The following DEF8 variants were observed in gnomAD, a reference collection of about 807,000 sequenced individuals.
The protein encoded by DEF8 is DEF-8.
In DEF8, 38 loss-of-function variants were observed where a neutral mutation model predicts 59.1. The ratio of observed to expected loss-of-function variants is 0.64; its 90% CI spans 0.50 to 0.84. The LOEUF (loss-of-function observed/expected upper bound fraction) is 0.84. Among genes scored for constraint, DEF8 ranks in the 40% least tolerant of loss-of-function variants. DEF8 has a pLI of 0.00. For synonymous variants in DEF8, 265 were observed against 250.1 expected (o/e 1.06, Z -0.56); for missense variants, 557 against 615.2 (o/e 0.91, Z 1.00).
In DEF8 at chr16:89,948,833, G is replaced by T. The variant is rs1383179952; in HGVS notation, c.-108+19G>T. ...CGGTCAGGTGAGCGGCGCGGGGCCG[G>T]CGGGGTCGGGGCCGGCGGGGACGGG... On this transcript the variant is annotated intron_variant, in intron 1 of 12. Transcript: ENST00000563594. 186 of 970,220 alleles carry T rather than the reference G, an allele frequency of 1.9e-4. 1 individual carries two copies. In the African/African-American group the frequency reaches 3.2e-3, roughly 16 times the overall value. 60.1% of individuals were successfully genotyped at this position (970,220 alleles called of 1,614,324 possible).
In DEF8 at chr16:89,960,962, G is replaced by A. The variant is rs2033949705; in HGVS notation, c.546G>A (p.Leu182=). 1 of 1,614,100 alleles carries A rather than the reference G, an allele frequency of 6.2e-7. No individual in the cohort carries two copies. Among genetic ancestry groups the A allele is most frequent in the Non-Finnish European group, 8.5e-7 (1 of 1,180,014 alleles). The change falls in exon 7 of 13, where the codon TTG becomes TTA. Residue 182 remains leucine (L), a synonymous_variant. Transcript: ENST00000563594. ...ATTACCGCTGTCACAGTAAGTGCTT[G>A]AACCTCATCTCCAAGCCCTGTGTGA... The part of the protein sequence containing the change: ...GCYYRCHSKC[L]NLISKPCVSS...
At chr16:89,963,257 G>T in intron 9 of DEF8, 106 bp from the exon 10 acceptor site, 2 of 901,924 alleles carry the variant, frequency 2.2e-6, no homozygotes, top group East Asian at 2.8e-5. Flanking sequence ...CCCTTCGTGG[G>T]GAACCAACCC....
intron 12 of DEF8, 88 bp downstream of exon 12, chr16:89,964,663 C>A: frequency 1.0e-6 from 1 of 985,132 alleles, no homozygotes; most frequent in Non-Finnish European, 1.5e-6. Context: ...TAGGATGATG[C>A]CGTGGGAGCT....
rs1427163149 is a variant in DEF8, at chr16:89,964,315, G to T, written c.1143+5G>T. ...CACATCAAGCTGGACTGCGAGGTGG[G>T]CCTCTGCCCGAGGGCCGCTCTTCTC... On this transcript the variant is annotated splice_donor_5th_base_variant and intron_variant, in intron 11 of 12. Transcript: ENST00000563594. The T allele has an allele frequency of 1.9e-6, 3 of 1,576,956 alleles. No individual in the cohort carries two copies. The Admixed American group carries it at 5.2e-5, about 27-fold the overall frequency.
At chr16:89,950,720 C>T (rs1296801835) in intron 2 of DEF8, among the ~76,000 whole-genome samples, 2 of 152,170 alleles carry the variant, frequency 1.3e-5, no homozygotes, top group Non-Finnish European at 2.9e-5. Context: ...TAGCTCACAC[C>T]TATAATCCCA....
At chr16:89,951,586 C>A (rs1341789988) in intron 2 of DEF8, among the ~76,000 whole-genome samples, 1 of 152,124 alleles carries the variant, frequency 6.6e-6, no homozygotes, top group Non-Finnish European at 1.5e-5. Flanking sequence ...ACAAAAACCT[C>A]CCCTATAACA....
Position 89,965,928 on chromosome 16 carries a change from C to T in DEF8, c.1321C>T (p.Leu441Phe), listed in dbSNP as rs2034574353. ...CCGGCTCAGCCTGAGGAAGCAGTCG[C>T]TCTTCCAGGAGCCAGGTCCCGATGT... The part of the protein sequence containing the change: ...CARLSLRKQS[L>F]FQEPGPDVEA Residue 441 changes from leucine (L) to phenylalanine (F), a missense_variant, in exon 13 of 13, where the codon CTC becomes TTC. Transcript: ENST00000563594. 4 of 1,613,656 alleles carry T rather than the reference C, an allele frequency of 2.5e-6. No individual in the cohort carries two copies. The South Asian group carries it at 3.3e-5, about 13-fold the overall frequency.
chr16:89,965,882 C>T lies in DEF8; in HGVS notation c.1275C>T (p.Ser425=), dbSNP rs749793974. ...VFHRDCYYDN[S]TTCPKCARLS... ...CCAGGGACTGCTACTACGACAACTC[C>T]ACCACTTGTCCCAAGTGTGCCCGGC... is the stretch of plus-strand genomic sequence containing the variant. The change falls in exon 13 of 13, where the codon TCC becomes TCT. Residue 425 remains serine (S), a synonymous_variant. Transcript: ENST00000563594. The T allele has an allele frequency of 5.0e-6, 8 of 1,613,478 alleles. No individual in the cohort carries two copies. Among genetic ancestry groups the T allele is most frequent in the Non-Finnish European group, 5.9e-6 (7 of 1,179,606 alleles).
Position 89,961,854 on chromosome 16 carries a change from A to G in DEF8, c.797A>G (p.Glu266Gly). 6.3e-7 allele frequency: 1 copy of G among 1,597,742 alleles called. No homozygotes were observed. The highest frequency in any genetic ancestry group is 1.1e-5 in the South Asian group (1 of 89,542). ...CGCGTTGTACACAACTGGGACTTTG[A>G]GCCTCGAAAGGTGGGGGTTGGAAGG... Reference protein sequence around the residue: ...PARVVHNWDFEPRKVSRCSMR... With the variant: ...PARVVHNWDFGPRKVSRCSMR... The change falls in exon 8 of 13, where the codon GAG becomes GGG. Residue 266 changes from glutamate (E) to glycine (G), a missense_variant. By Grantham distance (98) the Glu-to-Gly change is moderately conservative. Coordinates refer to ENST00000563594, the MANE Select transcript of DEF8 (RefSeq NM_001242818.2).
chr16:89,949,670 C>A, intron 2 of DEF8, 157 bp downstream of exon 2: 1 of 1,576,654 alleles, frequency 6.3e-7, no homozygotes, highest in Non-Finnish European at 8.6e-7. Context: ...TGAGCTTCGG[C>A]CCAGGGTCCC....
At position 89,961,765 on chromosome 16, in the gene DEF8, C is replaced by G. The variant is rs757944133; in HGVS notation, c.708C>G (p.Cys236Trp). The G allele has an allele frequency of 1.9e-6, 3 of 1,613,388 alleles. No homozygotes were observed. Among genetic ancestry groups the G allele is most frequent in the Non-Finnish European group, 2.5e-6 (3 of 1,179,950 alleles). ...LRGVPSEARQ[C>W]DYTGQYYCSH... ...GTGTGCCCAGTGAGGCCAGGCAGTGCGACTACACCGGCCAGTACTACTGCA... is the reference window on the plus strand; with the variant it reads ...GTGTGCCCAGTGAGGCCAGGCAGTGGGACTACACCGGCCAGTACTACTGCA... The change falls in exon 8 of 13, where the codon TGC becomes TGG. Residue 236 changes from cysteine (C) to tryptophan (W), a missense_variant. By Grantham distance (215) the Cys-to-Trp change is radical (BLOSUM62 -2). Transcript: ENST00000563594.
In DEF8 at chr16:89,953,271, C is replaced by T. The variant is rs191554140; in HGVS notation, c.-10-972C>T. On this transcript the variant is annotated intron_variant, in intron 2 of 12. Coordinates refer to ENST00000563594, the MANE Select transcript of DEF8 (RefSeq NM_001242818.2). ...ATTTCACCCTCACAATGGCCCATTA[C>T]GGATGGGGAAATGGAGGCAGAGAGG... is the stretch of plus-strand genomic sequence containing the variant. 2.1e-3 allele frequency among the ~76,000 whole-genome samples: 325 copies of T among 152,288 alleles called. 1 individual carries two copies. Among genetic ancestry groups the T allele is most frequent in the African/African-American group, 7.4e-3 (308 of 41,552 alleles).
Position 89,964,405 on chromosome 16 carries a change from G to A in DEF8, c.1144-61G>A, listed in dbSNP as rs562690619. 248 of 1,552,032 alleles carry A rather than the reference G, an allele frequency of 1.6e-4. No homozygotes were observed. In the African/African-American group the frequency reaches 2.7e-3, roughly 17 times the overall value. On this transcript the variant is annotated intron_variant, in intron 11 of 12. Coordinates refer to ENST00000563594, the MANE Select transcript of DEF8 (RefSeq NM_001242818.2). ...CCAGCCCAGTGTGTCCCTGGCCTCA[G>A]AGTGCCCAGAGGAGCTGGCACTGAC...
Position 89,965,864 on chromosome 16 carries a change from C to G in DEF8, c.1257C>G (p.Asp419Glu). The change falls in exon 13 of 13, where the codon GAC (aspartate) becomes GAG (glutamate). Residue 419 changes from aspartate to glutamate, a missense_variant. By Grantham distance (45) the Asp-to-Glu change is conservative. Transcript: ENST00000563594. Reference protein sequence around the residue: ...CADCSAVFHRDCYYDNSTTCP... With the variant: ...CADCSAVFHRECYYDNSTTCP... ...CCCGACCTCTTTCTGCCCCCAGGGA[C>G]TGCTACTACGACAACTCCACCACTT... 1 of 1,612,104 alleles carries G rather than the reference C, an allele frequency of 6.2e-7. No homozygotes were observed. The highest frequency in any genetic ancestry group is 8.5e-7 in the Non-Finnish European group (1 of 1,178,506).
rs1417048435 is a variant in DEF8 at position 89,967,480 on chromosome 16, T to A, written c.*1517T>A. On this transcript the variant is annotated 3_prime_UTR_variant, in exon 13 of 13. Coordinates refer to ENST00000563594, the MANE Select transcript of DEF8 (RefSeq NM_001242818.2). ...TGTCTGCTCTGCCTCGGTTTCCCCA[T>A]CTGGAAAATGGGGGCAGGGGTCCTG... 3 of 398,468 alleles carry A rather than the reference T, an allele frequency of 7.5e-6. No homozygotes were observed. Among genetic ancestry groups the A allele is most frequent in the African/African-American group, 2.1e-5 (1 of 48,604 alleles). 24.7% of individuals were successfully genotyped at this position (398,468 alleles called of 1,614,324 possible).
rs1266486669 is a variant in DEF8 at position 89,950,167 on chromosome 16, A to C, written c.-11+654A>C. 7.1e-6 allele frequency: 7 copies of C among 986,586 alleles called. No homozygotes were observed. The Admixed American group carries it at 2.4e-4, about 34-fold the overall frequency. 61.1% of individuals were successfully genotyped at this position (986,586 alleles called of 1,614,324 possible). ...ACGCTCCTCTGGCCATGTTTTAAAC[A>C]CCAGGAGGTTTCCAGCGGCTTCCCC... is the stretch of plus-strand genomic sequence containing the variant. On this transcript the variant is annotated intron_variant, in intron 2 of 12. Coordinates refer to ENST00000563594, the MANE Select transcript of DEF8 (RefSeq NM_001242818.2).
chr16:89,949,644 T>C, intron 2 of DEF8, 131 bp downstream of exon 2: 1 of 1,607,786 alleles, frequency 6.2e-7, no homozygotes, highest in Non-Finnish European at 8.5e-7. Flanking sequence ...GCCAGGTCCG[T>C]GCATCCCGCG....
At chr16:89,962,248 G>A (rs2034120293) in intron 9 of DEF8, 123 bp downstream of exon 9, 3 of 854,816 alleles carry the variant, frequency 3.5e-6, no homozygotes, top group Non-Finnish European at 5.6e-6. Flanking sequence ...GAGGCCACCT[G>A]CTTAGGGTGA....
At chr16:89,960,563 A>G (rs888128973) in intron 6 of DEF8, among the ~76,000 whole-genome samples, 27 of 151,120 alleles carry the variant, frequency 1.8e-4, no homozygotes, top group African/African-American at 6.1e-4. Context: ...ACCCTTCAGG[A>G]TAACTCATGA....
Sources: gnomAD v4.1 joint callset for allele counts (sites outside exome capture counted in the v4.1 genomes callset) on GRCh38, gnomAD v4.1.1 for gene constraint, MANE v1.5 for transcripts, NCBI Gene and HGNC (gene_info 2026-07-23, HGNC 2026-07-21) for gene names.